STARD13: variants seen among roughly 807,000 people sequenced by gnomAD.
STARD13 encodes the protein stAR-related lipid transfer protein 13.
A neutral mutation model predicts 106.4 loss-of-function variants in STARD13; 62 were observed. The ratio of observed to expected loss-of-function variants is 0.58; its 90% CI spans 0.48 to 0.72. The LOEUF is 0.72. STARD13 is among the 30% of genes least tolerant of loss of function. STARD13 has a pLI of 0.00. For synonymous variants in STARD13, 565 were observed against 553.0 expected (o/e 1.02, Z -0.31); for missense variants, 1,387 against 1,424.0 (o/e 0.97, Z 0.42).
intron 3 of STARD13, among the ~76,000 whole-genome samples, chr13:33,152,564 A>C (rs1881421642): frequency 6.6e-6 from 1 of 152,212 alleles, no homozygotes; most frequent in African/African-American, 2.4e-5. Context: ...AGGAACAACT[A>C]ATGTACAGCC....
intron 1 of STARD13, among the ~76,000 whole-genome samples, chr13:33,237,542 T>C (rs967560352): frequency 6.6e-6 from 1 of 152,254 alleles, no homozygotes; most frequent in African/African-American, 2.4e-5. Flanking sequence ...ACTATTTTTC[T>C]GGTCTTCCTG....
chr13:33,509,301 C>T, the STARD13 span, among the ~76,000 whole-genome samples: 1 of 152,134 alleles, frequency 6.6e-6, no homozygotes, highest in African/African-American at 2.4e-5. Context: ...CTGCCTGCTC[C>T]AGGCACTCCA....
chr13:33,568,594 C>T, the STARD13 span, among the ~76,000 whole-genome samples: 1 of 147,896 alleles, frequency 6.8e-6, no homozygotes, highest in Non-Finnish European at 1.5e-5. Flanking sequence ...CTACGTAGGG[C>T]TTCTGCCTGC....
At chr13:33,529,165 G>T in the STARD13 span, among the ~76,000 whole-genome samples, 25 of 152,050 alleles carry the variant, frequency 1.6e-4, no homozygotes, top group African/African-American at 6.0e-4. Flanking sequence ...AGGAACCAGG[G>T]ACCAAACATA....
the STARD13 span, among the ~76,000 whole-genome samples, chr13:33,562,987 T>C: frequency 6.8e-6 from 1 of 146,706 alleles, no homozygotes; most frequent in African/African-American, 2.5e-5. Context: ...ATTAGATTTG[T>C]TGCTTTTGGC....
chr13:33,608,587 C>T, the STARD13 span, among the ~76,000 whole-genome samples: 1 of 152,088 alleles, frequency 6.6e-6, no homozygotes, highest in East Asian at 1.9e-4. Flanking sequence ...AACAATATGA[C>T]AGGTAGTATC....
the STARD13 span, among the ~76,000 whole-genome samples, chr13:33,583,418 C>A: frequency 6.6e-6 from 1 of 152,136 alleles, no homozygotes; most frequent in African/African-American, 2.4e-5. Context: ...TATCATTTCC[C>A]ACTTCTTCAG....
chr13:33,475,623 T>A, the STARD13 span, among the ~76,000 whole-genome samples: 1 of 152,330 alleles, frequency 6.6e-6, no homozygotes, highest in Admixed American at 6.5e-5. Context: ...TTACAATTTC[T>A]AAACATAAAT....
chr13:33,671,322 G>A, the STARD13 span, among the ~76,000 whole-genome samples: 7 of 152,202 alleles, frequency 4.6e-5, no homozygotes, highest in African/African-American at 1.7e-4. Context: ...CTTCCAATAT[G>A]GAAGCCTACC....
At chr13:33,159,523 G>A (rs1882378322) in intron 3 of STARD13, among the ~76,000 whole-genome samples, 1 of 152,126 alleles carries the variant, frequency 6.6e-6, no homozygotes, top group South Asian at 2.1e-4. Flanking sequence ...GACAATCTTT[G>A]TCCTTGCAAT....
In STARD13 at chr13:33,194,790, G is replaced by A. The variant is rs183640606; in HGVS notation, c.170-27168C>T. 3.3e-3 allele frequency among the ~76,000 whole-genome samples: 502 copies of A among 152,248 alleles called. 2 individuals are homozygous for A. The highest frequency in any genetic ancestry group is 9.9e-3 in the Admixed American group (152 of 15,290). ...AAAAATCAGAAACGAACAACTCACT[G>A]TTTTTTTGAAAGGAGATTATATATG... On this transcript the variant is annotated intron_variant, in intron 1 of 13. Transcript: ENST00000336934.
the STARD13 span, among the ~76,000 whole-genome samples, chr13:33,449,573 T>C: frequency 2.0e-5 from 3 of 152,178 alleles, no homozygotes; most frequent in African/African-American, 7.2e-5. Flanking sequence ...ACAATATTTC[T>C]TTGGCTATTC....
intron 1 of STARD13, among the ~76,000 whole-genome samples, chr13:33,326,790 T>C (rs2077780208): frequency 1.3e-5 from 2 of 152,350 alleles, no homozygotes; most frequent in South Asian, 4.1e-4. Context: ...TAAGAATATA[T>C]CTCACCTCAG....
At position 33,172,162 on chromosome 13, in the gene STARD13, A is replaced by G. The variant is rs180823648; in HGVS notation, c.170-4540T>C. On this transcript the variant is annotated intron_variant, in intron 1 of 13. Transcript: ENST00000336934. ...TCTGTCAAAACAGTACTATGCTAAT[A>G]TCTTTGGTTGACTGCTTTTTTCACT... 5.8e-4 allele frequency among the ~76,000 whole-genome samples: 88 copies of G among 152,338 alleles called. No homozygotes were observed. In the Middle Eastern group the frequency reaches 0.014, roughly 24 times the overall value.
chr13:33,255,910 G>A (rs57027430), intron 1 of STARD13, among the ~76,000 whole-genome samples: 2,166 of 152,246 alleles, frequency 0.014, 44 homozygotes, highest in African/African-American at 0.047. Context: ...TGGTCTACAG[G>A]TAGTATAAGA....
exon 1 of STARD13, chr13:33,350,525 CCCGGGACCCAATG>C: frequency 6.9e-7 from 1 of 1,444,554 alleles, no homozygotes; most frequent in Non-Finnish European, 9.1e-7. Context: ...CCGCCGGGGT[CCCGGGACCCAATG>C]CGGGCGCGAC....
chr13:33,271,092 A>G (rs1042163316), intron 1 of STARD13, among the ~76,000 whole-genome samples: 3 of 152,194 alleles, frequency 2.0e-5, no homozygotes, highest in Non-Finnish European at 4.4e-5. Flanking sequence ...TTGGCAGAAC[A>G]TTGATACTTT....
chr13:33,426,737 G>A, the STARD13 span, among the ~76,000 whole-genome samples: 7 of 152,212 alleles, frequency 4.6e-5, no homozygotes, highest in Non-Finnish European at 5.9e-5. Flanking sequence ...AGGGTAAATA[G>A]AGTGTACTTA....
the STARD13 span, among the ~76,000 whole-genome samples, chr13:33,509,419 G>A: frequency 0.042 from 6,361 of 152,204 alleles, 430 homozygotes; most frequent in African/African-American, 0.14. Flanking sequence ...TTGGGATCCT[G>A]GTCAACCAGG....
Sources: gnomAD v4.1 joint callset for allele counts (sites outside exome capture counted in the v4.1 genomes callset) on GRCh38, gnomAD v4.1.1 for gene constraint, MANE v1.5 for transcripts, NCBI Gene and HGNC (gene_info 2026-07-23, HGNC 2026-07-21) for gene names.